Variants in LIN9 observed in about 807,000 individuals in gnomAD.
LIN9 encodes protein lin-9 homolog.
A neutral mutation model predicts 78.0 loss-of-function variants in LIN9; 18 were observed. The observed-to-expected ratio is 0.23, with a 90% CI of 0.16 to 0.34. LIN9 has a LOEUF of 0.34. Ranked by LOEUF, LIN9 falls within the 10% of genes least tolerant of loss-of-function variation. The pLI is 1.00. For missense variants in LIN9, 451 were observed against 644.1 expected (o/e 0.70, Z 3.25); for synonymous variants, 192 against 215.2 (o/e 0.89, Z 0.94).
At chr1:226,236,371 C>G (rs1398582487) in intron 12 of LIN9, among the ~76,000 whole-genome samples, 2 of 151,754 alleles carry the variant, frequency 1.3e-5, no homozygotes, top group Non-Finnish European at 2.9e-5. Context: ...ACCATCCTGA[C>G]TTCTAGCATC....
intron 12 of LIN9, among the ~76,000 whole-genome samples, chr1:226,233,732 TA>T: frequency 6.6e-6 from 1 of 152,218 alleles, no homozygotes; most frequent in East Asian, 1.9e-4. Context: ...TTCAAACTTC[TA>T]AAAAAAGTTA....
intron 6 of LIN9, 44 bp from the exon 7 acceptor site, chr1:226,277,976 T>C (rs1660774539): frequency 6.9e-7 from 1 of 1,451,438 alleles, no homozygotes; most frequent in Non-Finnish European, 9.4e-7. Context: ...AACTACCCCA[T>C]ATAAAAACTT....
intron 11 of LIN9, among the ~76,000 whole-genome samples, chr1:226,240,603 G>C (rs1041224371): frequency 6.6e-6 from 1 of 151,966 alleles, no homozygotes; most frequent in Non-Finnish European, 1.5e-5. Flanking sequence ...TGGCCAGGCT[G>C]GTCTCGAACT....
intron 11 of LIN9, among the ~76,000 whole-genome samples, chr1:226,245,086 C>T (rs1658382884): frequency 6.6e-6 from 1 of 152,186 alleles, no homozygotes; most frequent in South Asian, 2.1e-4. Context: ...CCAGAGGGAA[C>T]TCCCCTTCAC....
Position 226,287,809 on chromosome 1 carries a change from A to G in LIN9, c.265-12T>C. 6.6e-7 allele frequency: 1 copy of G among 1,526,182 alleles called. No homozygotes were observed. Among genetic ancestry groups the G allele is most frequent in the Non-Finnish European group, 8.7e-7 (1 of 1,143,654 alleles). The allele number at this position is 1,526,182 out of a possible 1,614,324, so 94.5% of individuals were successfully genotyped here. A position where few individuals can be genotyped will look rare whatever the true frequency, so the allele number is the denominator to read the frequency against. On this transcript the variant is annotated splice_polypyrimidine_tract_variant and intron_variant, in intron 4 of 14. Coordinates refer to ENST00000681046, the MANE Select transcript of LIN9 (RefSeq NM_001366245.2). ...GTTGCTGTAAATTTCTATACAATAAAAAAAAGAGATTAATTTATGGCTCCA... is the reference window on the plus strand; with the variant it reads ...GTTGCTGTAAATTTCTATACAATAAGAAAAAGAGATTAATTTATGGCTCCA...
At chr1:226,261,683 T>TA (rs1659599632) in intron 10 of LIN9, among the ~76,000 whole-genome samples, 3 of 152,238 alleles carry the variant, frequency 2.0e-5, no homozygotes, top group South Asian at 4.1e-4. Flanking sequence ...ACTGTCAAGA[T>TA]ACCAGTTCTT....
chr1:226,268,571 G>A (rs1451809166), intron 7 of LIN9, among the ~76,000 whole-genome samples: 1 of 152,156 alleles, frequency 6.6e-6, no homozygotes, highest in African/African-American at 2.4e-5. Flanking sequence ...TGTTCCCACT[G>A]TTCCCTAATT....
chr1:226,237,191 A>G (rs1309572404), intron 12 of LIN9, among the ~76,000 whole-genome samples: 1 of 152,204 alleles, frequency 6.6e-6, no homozygotes, highest in Non-Finnish European at 1.5e-5. Context: ...TGCATGTACC[A>G]TCAGCTTTGT....
At position 226,234,893 on chromosome 1, in the gene LIN9, A is replaced by ATTTTTTT. The variant is rs558971569; in HGVS notation, c.1246-1377_1246-1371dup. ...AGAAACCTGGCTCGCGTTATCCTAA[A>ATTTTTTT]TTTTTTTTTTTTTTTTTTGAGACAG... On this transcript the variant is annotated intron_variant, in intron 12 of 14. Coordinates refer to ENST00000681046, the MANE Select transcript of LIN9 (RefSeq NM_001366245.2). 6.0e-4 allele frequency among the ~76,000 whole-genome samples: 81 copies of ATTTTTTT among 134,304 alleles called. 3 individuals carry two copies. The highest frequency in any genetic ancestry group is 1.8e-3 in the East Asian group (8 of 4,510). The allele number at this position is 134,304 out of a possible 152,430, so 88.1% of individuals were successfully genotyped here.
intron 2 of LIN9, among the ~76,000 whole-genome samples, chr1:226,298,164 G>A (rs1030101482): frequency 3.9e-5 from 6 of 152,122 alleles, no homozygotes; most frequent in Admixed American, 3.9e-4. Context: ...ATCAAAAATG[G>A]AAAAAGCCTT....
chr1:226,292,951 T>TA (rs1163503355), intron 4 of LIN9, among the ~76,000 whole-genome samples: 1 of 152,208 alleles, frequency 6.6e-6, no homozygotes, highest in Non-Finnish European at 1.5e-5. Context: ...ACCTATCTCA[T>TA]AGGAGTTGTT....
intron 11 of LIN9, among the ~76,000 whole-genome samples, chr1:226,242,668 G>A (rs1333932810): frequency 1.3e-5 from 2 of 151,984 alleles, no homozygotes; most frequent in Non-Finnish European, 2.9e-5. Context: ...TTTTGCAACA[G>A]CCTACCAGAT....
chr1:226,297,452 G>A (rs745978282), intron 3 of LIN9, among the ~76,000 whole-genome samples: 2 of 151,706 alleles, frequency 1.3e-5, no homozygotes, highest in Non-Finnish European at 2.9e-5. Flanking sequence ...AATTTTTTGC[G>A]TATCTAATAA....
At chr1:226,248,384 A>G (rs1339178962) in intron 11 of LIN9, among the ~76,000 whole-genome samples, 1 of 152,236 alleles carries the variant, frequency 6.6e-6, no homozygotes, top group Non-Finnish European at 1.5e-5. Flanking sequence ...GACATTGTTA[A>G]GCAGACTGCT....
chr1:226,239,118 A>G, intron 11 of LIN9, 22 bp from the exon 12 acceptor site: 1 of 1,609,290 alleles, frequency 6.2e-7, no homozygotes, highest in South Asian at 1.1e-5. Context: ...AAAAAATCAG[A>G]TCTTGGTAAG....
intron 5 of LIN9, 91 bp downstream of exon 5, chr1:226,287,573 T>C: frequency 1.3e-6 from 1 of 792,568 alleles, no homozygotes; most frequent in Non-Finnish European, 1.9e-6. Context: ...AAGATCAAAG[T>C]AGACCTATAG....
At chr1:226,256,555 A>G (rs528137074) in intron 10 of LIN9, among the ~76,000 whole-genome samples, 12 of 149,250 alleles carry the variant, frequency 8.0e-5, no homozygotes, top group African/African-American at 2.9e-4. Context: ...TAAAATAAAT[A>G]TATATATATA....
At position 226,301,192 on chromosome 1, in the gene LIN9, T is replaced by A; in HGVS notation, c.45A>T (p.Lys15Asn). 1 of 1,602,446 alleles carries A rather than the reference T, an allele frequency of 6.2e-7. No individual in the cohort carries two copies. ...TCTTACCTTTTAAACTGACAAGGGC[T>A]TTTGCTGAAGAGCCTGCAATTAAAA... is the stretch of plus-strand genomic sequence containing the variant. ...DQLPDESSSA[K>N]ALVSLKEGSL... The change falls in exon 2 of 15, where the codon AAA becomes AAT. Residue 15 changes from lysine to asparagine, a missense_variant. Transcript: ENST00000681046.
intron 14 of LIN9, chr1:226,232,880 C>T (rs1403488033): frequency 4.1e-5 from 20 of 492,980 alleles, no homozygotes; most frequent in Non-Finnish European, 6.0e-5. Flanking sequence ...CATGCTGACC[C>T]CAAACCTAAA....
Sources: allele counts gnomAD v4.1 joint callset (sites outside exome capture counted in the v4.1 genomes callset), GRCh38; gene constraint gnomAD v4.1.1; transcripts MANE v1.5; gene names NCBI Gene and HGNC (gene_info 2026-07-23, HGNC 2026-07-21).